EPB41L2: variants seen among roughly 807,000 people sequenced by gnomAD.
The protein encoded by EPB41L2 is band 4.1-like protein 2.
In EPB41L2, 43 loss-of-function variants were observed where a neutral mutation model predicts 113.0. The observed-to-expected ratio is 0.38, with a 90% confidence interval of 0.30 to 0.49. The LOEUF (loss-of-function observed/expected upper bound fraction) is 0.49, where lower values mean the gene tolerates loss of function less well. Ranked by LOEUF, EPB41L2 falls within the 20% of genes least tolerant of loss-of-function variation. The pLI, the probability that EPB41L2 is intolerant of heterozygous loss-of-function variation, is 0.95. For missense variants in EPB41L2, 1,147 were observed against 1,223.4 expected (o/e 0.94, Z 0.93); for synonymous variants, 442 against 436.7 (o/e 1.01, Z -0.15).
chr6:130,995,219 C>T (rs150614601), intron 1 of EPB41L2, among the ~76,000 whole-genome samples: 4,163 of 152,202 alleles, frequency 0.027, 177 homozygotes, highest in African/African-American at 0.094. Context: ...GCCTGTAGTC[C>T]CAGCTACTCG....
chr6:131,053,612 A>G (rs999976506), intron 1 of EPB41L2, among the ~76,000 whole-genome samples: 1 of 152,116 alleles, frequency 6.6e-6, no homozygotes, highest in Non-Finnish European at 1.5e-5. Context: ...AACTGATCGC[A>G]GGTTCATATT....
chr6:130,880,109 A>G (rs746701590), intron 13 of EPB41L2, 35 bp downstream of exon 13: 2 of 1,526,580 alleles, frequency 1.3e-6, no homozygotes, highest in South Asian at 1.1e-5. Context: ...CCGGGCAGCC[A>G]TTAGGACAGA....
chr6:130,914,800 G>A (rs1303601910), intron 4 of EPB41L2, among the ~76,000 whole-genome samples: 1 of 152,060 alleles, frequency 6.6e-6, no homozygotes, highest in African/African-American at 2.4e-5. Context: ...CTTAAGAGCA[G>A]GAACAGTCAC....
At chr6:130,919,314 C>T (rs1341621128) in intron 4 of EPB41L2, among the ~76,000 whole-genome samples, 2 of 152,102 alleles carry the variant, frequency 1.3e-5, no homozygotes, top group African/African-American at 4.8e-5. Flanking sequence ...ACAGTAGACC[C>T]AAACAAATGT....
intron 1 of EPB41L2, among the ~76,000 whole-genome samples, chr6:131,043,417 CA>C (rs906346829): frequency 2.6e-5 from 4 of 151,512 alleles, no homozygotes; most frequent in South Asian, 4.2e-4. Flanking sequence ...TTAACAACAA[CA>C]AAAAAAACTG....
At chr6:130,895,436 A>C (rs918334092) in intron 8 of EPB41L2, among the ~76,000 whole-genome samples, 2 of 152,182 alleles carry the variant, frequency 1.3e-5, no homozygotes, top group African/African-American at 4.8e-5. Flanking sequence ...AAGGAAGCAG[A>C]ACTAGAGATC....
chr6:130,933,046 G>A (rs1807454107), intron 3 of EPB41L2, among the ~76,000 whole-genome samples: 1 of 152,158 alleles, frequency 6.6e-6, no homozygotes. Context: ...GTAAACTAGG[G>A]CATTTCCAAA....
intron 19 of EPB41L2, among the ~76,000 whole-genome samples, chr6:130,851,789 T>C (rs1018603809): frequency 6.6e-6 from 1 of 152,244 alleles, no homozygotes. Flanking sequence ...TCTCTCCTTC[T>C]TGAAGTTATC....
chr6:130,992,134 C>T (rs1782018983), intron 1 of EPB41L2, among the ~76,000 whole-genome samples: 1 of 152,144 alleles, frequency 6.6e-6, no homozygotes, highest in Non-Finnish European at 1.5e-5. Flanking sequence ...ATTGACTCAA[C>T]ACGTTTCTTC....
intron 4 of EPB41L2, among the ~76,000 whole-genome samples, chr6:130,911,289 T>C (rs946941567): frequency 6.6e-6 from 1 of 151,874 alleles, no homozygotes; most frequent in Non-Finnish European, 1.5e-5. Flanking sequence ...AAAACCTGCA[T>C]ATTCGCACTC....
chr6:130,847,579 C>T (rs1209006683), intron 19 of EPB41L2, among the ~76,000 whole-genome samples: 2 of 152,094 alleles, frequency 1.3e-5, no homozygotes, highest in African/African-American at 4.8e-5. Flanking sequence ...GCACTAATTC[C>T]CATGTTTACC....
At chr6:130,947,706 A>T (rs1813415662) in intron 3 of EPB41L2, among the ~76,000 whole-genome samples, 1 of 152,048 alleles carries the variant, frequency 6.6e-6, no homozygotes, top group Non-Finnish European at 1.5e-5. Flanking sequence ...AGCCTGCTCA[A>T]CCCCATGATG....
intron 1 of EPB41L2, among the ~76,000 whole-genome samples, chr6:131,034,332 G>C (rs1792851150): frequency 6.6e-6 from 1 of 152,154 alleles, no homozygotes; most frequent in East Asian, 1.9e-4. Context: ...AATTGGTCAG[G>C]TGTAGTGTCA....
chr6:130,849,696 G>A (rs1255185944), intron 19 of EPB41L2, among the ~76,000 whole-genome samples: 1 of 152,206 alleles, frequency 6.6e-6, no homozygotes, highest in Non-Finnish European at 1.5e-5. Context: ...GTCCCTGTGT[G>A]TAGCATATGT....
chr6:131,041,195 C>T (rs1015154092), intron 1 of EPB41L2, among the ~76,000 whole-genome samples: 1 of 152,048 alleles, frequency 6.6e-6, no homozygotes, highest in African/African-American at 2.4e-5. Flanking sequence ...GCTGGTTAAA[C>T]GGGAAACTGT....
chr6:130,924,328 T>C (rs1423797411), intron 4 of EPB41L2, among the ~76,000 whole-genome samples: 1 of 152,150 alleles, frequency 6.6e-6, no homozygotes, highest in African/African-American at 2.4e-5. Flanking sequence ...TTCAAGACCT[T>C]GCTTTCAATT....
chr6:130,880,043 A>G (rs1174866822), intron 13 of EPB41L2, 101 bp downstream of exon 13: 4 of 801,908 alleles, frequency 5.0e-6, no homozygotes, highest in Non-Finnish European at 4.2e-6. Flanking sequence ...CACTGCATGC[A>G]CCGTGCTTGA....
At chr6:130,923,504 T>C (rs767030608) in intron 4 of EPB41L2, among the ~76,000 whole-genome samples, 4 of 152,192 alleles carry the variant, frequency 2.6e-5, no homozygotes, top group Non-Finnish European at 5.9e-5. Context: ...TTTCCAGTTT[T>C]TAAGCAGACA....
chr6:130,903,180 G>T (rs1583268294), intron 6 of EPB41L2, among the ~76,000 whole-genome samples: 1 of 152,192 alleles, frequency 6.6e-6, no homozygotes, highest in African/African-American at 2.4e-5. Flanking sequence ...GCCAGGAGGA[G>T]TGTATGTACA....
Sources: allele counts gnomAD v4.1 joint callset (sites outside exome capture counted in the v4.1 genomes callset), GRCh38; gene constraint gnomAD v4.1.1; transcripts MANE v1.5; gene names NCBI Gene and HGNC (gene_info 2026-07-23, HGNC 2026-07-21).